The following TMEM167A variants were observed in gnomAD, a reference collection of about 807,000 sequenced individuals.
The protein encoded by TMEM167A is protein kish-A.
In TMEM167A, 8 loss-of-function variants were observed where a neutral mutation model predicts 11.6. That is an observed-to-expected ratio of 0.69 (90% confidence interval 0.40 to 1.24). The LOEUF is 1.24. TMEM167A is among the 50% of genes most tolerant of loss of function. The pLI is 0.01. For synonymous variants in TMEM167A, 22 were observed against 28.0 expected (o/e 0.79, Z 0.67); for missense variants, 62 against 87.0 (o/e 0.71, Z 1.14).
chr5:83,058,650 A>G (rs909496933), intron 3 of TMEM167A, among the ~76,000 whole-genome samples: 4 of 152,132 alleles, frequency 2.6e-5, no homozygotes, highest in African/African-American at 9.6e-5. Context: ...CTTATTAAAT[A>G]CTTAAAAGAA....
At chr5:83,077,104 A>G (rs1744690426) in intron 1 of TMEM167A, among the ~76,000 whole-genome samples, 1 of 152,262 alleles carries the variant, frequency 6.6e-6, no homozygotes, top group Admixed American at 6.5e-5. Context: ...CAAAGTAGGA[A>G]AGCGGACTTT....
intron 1 of TMEM167A, among the ~76,000 whole-genome samples, chr5:83,070,523 C>T (rs1744544561): frequency 1.3e-5 from 2 of 152,204 alleles, no homozygotes. Flanking sequence ...TGAAGTAAAT[C>T]ACATTTGGTT....
At chr5:83,059,166 C>CAA (rs369393831) in intron 3 of TMEM167A, among the ~76,000 whole-genome samples, 21,261 of 118,112 alleles carry the variant, frequency 0.18, 3,109 homozygotes, top group African/African-American at 0.42. Flanking sequence ...AAATAACAAG[C>CAA]AAAAAAAAAA....
intron 1 of TMEM167A, among the ~76,000 whole-genome samples, chr5:83,075,441 G>C (rs1280196287): frequency 6.6e-6 from 1 of 152,144 alleles, no homozygotes; most frequent in African/African-American, 2.4e-5. Context: ...TTTTATCCTT[G>C]AAATGCTTTT....
rs866983335 is a variant in TMEM167A, at chr5:83,069,002, T to C, written c.4-3885A>G. Among the ~76,000 whole-genome samples, 5 of 152,278 alleles carry C rather than the reference T, an allele frequency of 3.3e-5. No individual in the cohort carries two copies. In the South Asian group the frequency reaches 1.0e-3, roughly 32 times the overall value. On this transcript the variant is annotated intron_variant, in intron 1 of 3. Transcript: ENST00000502346. The stretch of plus-strand genomic sequence containing the variant: ...TCTTTATGTTTGAATGTTTTCATAA[T>C]AGAAGATAAAAAGGCACTTAAAAAC...
rs532491755 is a variant in TMEM167A at position 83,054,005 on chromosome 5, C to T, written c.*3079G>A. The T allele has an allele frequency of 6.6e-6, 1 of 152,124 alleles. No homozygotes were observed. The highest frequency in any genetic ancestry group is 6.6e-5 in the Admixed American group (1 of 15,258). 9.4% of individuals were successfully genotyped at this position (152,124 alleles called of 1,614,324 possible). A position where few individuals can be genotyped will look rare whatever the true frequency, so the allele number is the denominator to read the frequency against. On this transcript the variant is annotated 3_prime_UTR_variant, in exon 4 of 4. Transcript: ENST00000502346. ...TGTAGGAGTAGAAATATTCTATTTA[C>T]CAGTGCTAACTCTTTTTCACAAAAC... is the stretch of plus-strand genomic sequence containing the variant.
At chr5:83,071,540 T>A (rs1358277738) in intron 1 of TMEM167A, 1 of 152,022 alleles carries the variant, frequency 6.6e-6, no homozygotes, top group Non-Finnish European at 1.5e-5. Context: ...ATGCAAAACA[T>A]GAAAATGCAA....
At chr5:83,064,884 T>C (rs1390581344) in intron 2 of TMEM167A, 124 bp downstream of exon 2, 1 of 605,662 alleles carries the variant, frequency 1.7e-6, no homozygotes, top group Non-Finnish European at 2.9e-6. Flanking sequence ...AGGAAGAAAA[T>C]GAAAAAAGTT....
Position 83,054,776 on chromosome 5 carries a change from A to G in TMEM167A, c.*2308T>C, listed in dbSNP as rs542505531. On this transcript the variant is annotated 3_prime_UTR_variant, in exon 4 of 4. Transcript: ENST00000502346. Reference sequence around the variant, plus strand: ...GGTGACAAAATAATCTGTACAACAAAACCACTTGACATGAGTTTACCTATA... The same window carrying G: ...GGTGACAAAATAATCTGTACAACAAGACCACTTGACATGAGTTTACCTATA... 6.8e-4 allele frequency: 104 copies of G among 151,972 alleles called. 1 individual carries two copies. Among genetic ancestry groups the G allele is most frequent in the African/African-American group, 2.5e-3 (103 of 41,492 alleles). The allele number at this position is 151,972 out of a possible 1,614,324, so 9.4% of individuals were successfully genotyped here.
chr5:83,059,224 C>A (rs1744373924), intron 3 of TMEM167A, among the ~76,000 whole-genome samples: 1 of 148,432 alleles, frequency 6.7e-6, no homozygotes, highest in Non-Finnish European at 1.5e-5. Flanking sequence ...ATAGATCATA[C>A]AACAGGAAAT....
rs367901129 is a variant in TMEM167A, at chr5:83,077,230, C to T, written c.3+91G>A. On this transcript the variant is annotated intron_variant, in intron 1 of 3. Transcript: ENST00000502346. ...AAGGCCTCTCAGCTCCGGGCCCACA[C>T]ACCCCGGGCTGCCGCACAAACTCCA... 8 of 1,595,244 alleles carry T rather than the reference C, an allele frequency of 5.0e-6. No homozygotes were observed. In the Admixed American group the frequency reaches 1.2e-4, roughly 23 times the overall value.
At chr5:83,073,309 C>T (rs907751065) in intron 1 of TMEM167A, among the ~76,000 whole-genome samples, 3 of 152,180 alleles carry the variant, frequency 2.0e-5, no homozygotes, top group Non-Finnish European at 4.4e-5. Context: ...ACGTCATCCA[C>T]AGGTCCTTGG....
In TMEM167A at chr5:83,066,785, T is replaced by A. The variant is rs111440820; in HGVS notation, c.4-1668A>T. 2.5e-3 allele frequency among the ~76,000 whole-genome samples: 377 copies of A among 150,870 alleles called. 1 individual carries two copies. Among genetic ancestry groups the A allele is most frequent in the Non-Finnish European group, 4.2e-3 (287 of 67,536 alleles). On this transcript the variant is annotated intron_variant, in intron 1 of 3. Transcript: ENST00000502346. ...GGGGTGGTGGGGGGTAGATCTCCCA[T>A]GAATGTCAGGGTGCTCTTCTCATTA...
At position 83,065,093 on chromosome 5, in the gene TMEM167A, G is replaced by C. The variant is rs1744463208; in HGVS notation, c.28C>G (p.Leu10Val). The change falls in exon 2 of 4, where the codon CTA becomes GTA. Residue 10 changes from leucine to valine, a missense_variant. Physicochemically the swap from Leu to Val is conservative, Grantham distance 32. Transcript: ENST00000502346. Reference protein sequence around the residue: MSAIFNFQSLLTVILLLICT... With the variant: MSAIFNFQSVLTVILLLICT... ...ATAAGCAGCAAGATTACAGTCAATA[G>C]ACTCTGAAAATTGAAAATGGCAGAC... 6.3e-7 allele frequency: 1 copy of C among 1,580,702 alleles called. No individual in the cohort carries two copies. The highest frequency in any genetic ancestry group is 1.4e-5 in the African/African-American group (1 of 72,266).
In TMEM167A at chr5:83,057,006, T is replaced by C; in HGVS notation, c.*78A>G. 1.6e-6 allele frequency: 2 copies of C among 1,279,762 alleles called. No homozygotes were observed. The allele number at this position is 1,279,762 out of a possible 1,614,324, so 79.3% of individuals were successfully genotyped here. On this transcript the variant is annotated 3_prime_UTR_variant, in exon 4 of 4. Coordinates refer to ENST00000502346, the MANE Select transcript of TMEM167A (RefSeq NM_174909.5). ...TGTTCGGAGATAAAAGAGTTAAACATCCTTTCCATTATTTTCTGCAGTCAG... is the reference window on the plus strand; with the variant it reads ...TGTTCGGAGATAAAAGAGTTAAACACCCTTTCCATTATTTTCTGCAGTCAG...
At chr5:83,062,432 A>G (rs535521820) in intron 2 of TMEM167A, among the ~76,000 whole-genome samples, 2 of 152,314 alleles carry the variant, frequency 1.3e-5, no homozygotes, top group Admixed American at 6.5e-5. Flanking sequence ...CTAAGAAAGA[A>G]TTAAAAATGT....
At position 83,057,080 on chromosome 5, in the gene TMEM167A, C is replaced by T; in HGVS notation, c.*4G>A. On this transcript the variant is annotated 3_prime_UTR_variant, in exon 4 of 4. Transcript: ENST00000502346. ...TGGCAACTACATTCTGGCATTTTCC[C>T]CAGCTACTGTATGAAGAGGATGCTG... The T allele has an allele frequency of 6.2e-7, 1 of 1,610,828 alleles. No individual in the cohort carries two copies. Among genetic ancestry groups the T allele is most frequent in the Non-Finnish European group, 8.5e-7 (1 of 1,178,604 alleles).
chr5:83,060,869 T>C (rs1744397549), intron 3 of TMEM167A, among the ~76,000 whole-genome samples: 1 of 151,760 alleles, frequency 6.6e-6, no homozygotes, highest in African/African-American at 2.4e-5. Flanking sequence ...TGCAATAAAA[T>C]ACATGTTAAT....
chr5:83,076,523 C>A (rs1260031537), intron 1 of TMEM167A, among the ~76,000 whole-genome samples: 1 of 152,188 alleles, frequency 6.6e-6, no homozygotes, highest in Non-Finnish European at 1.5e-5. Context: ...GTGGTAAATT[C>A]GTCCAGAGAA....
Sources: allele counts gnomAD v4.1 joint callset (sites outside exome capture counted in the v4.1 genomes callset), GRCh38; gene constraint gnomAD v4.1.1; transcripts MANE v1.5; gene names NCBI Gene and HGNC (gene_info 2026-07-23, HGNC 2026-07-21).